Variants in SETD2 observed in about 807,000 individuals in gnomAD.
The protein encoded by SETD2 is histone-lysine N-methyltransferase SETD2.
SETD2 carries 31 observed loss-of-function variants against 242.1 expected under a neutral mutation model. That is an observed-to-expected ratio of 0.13 (90% CI 0.10 to 0.17). SETD2 has a LOEUF of 0.17. SETD2 is among the 10% of genes least tolerant of loss of function. The pLI is 1.00. For synonymous variants in SETD2, 1,006 were observed against 1,066.5 expected (o/e 0.94, Z 1.11); for missense variants, 2,481 against 3,046.3 (o/e 0.81, Z 4.37).
chr3:47,161,025 A>C (rs1037816465), intron 1 of SETD2, among the ~76,000 whole-genome samples: 5 of 152,230 alleles, frequency 3.3e-5, no homozygotes, highest in South Asian at 2.1e-4. Context: ...CTTCAGTCAA[A>C]CTGAATTTAC....
chr3:47,044,278 G>A (rs2039417511), intron 16 of SETD2, among the ~76,000 whole-genome samples: 1 of 140,610 alleles, frequency 7.1e-6, no homozygotes, highest in Non-Finnish European at 1.5e-5. Context: ...GGGAGGCGGA[G>A]GTTGCAGTGA....
At chr3:47,091,846 G>A (rs1466307811) in intron 9 of SETD2, among the ~76,000 whole-genome samples, 1 of 152,130 alleles carries the variant, frequency 6.6e-6, no homozygotes, top group African/African-American at 2.4e-5. Context: ...TCTGATGGCT[G>A]AGGCAGGAGA....
At chr3:47,042,808 TAAAA>T in intron 16 of SETD2, 108 bp from the exon 17 acceptor site, 1 of 984,028 alleles carries the variant, frequency 1.0e-6, no homozygotes, top group East Asian at 2.5e-5. Context: ...TACCTCCTCT[TAAAA>T]AAAGGATAAA....
At chr3:47,078,755 A>G (rs2041206269) in intron 12 of SETD2, among the ~76,000 whole-genome samples, 1 of 151,628 alleles carries the variant, frequency 6.6e-6, no homozygotes, top group African/African-American at 2.4e-5. Flanking sequence ...TTTTTACACA[A>G]AGTCTCACTC....
At chr3:47,039,793 G>C (rs1437160783) in intron 17 of SETD2, among the ~76,000 whole-genome samples, 1 of 145,102 alleles carries the variant, frequency 6.9e-6, no homozygotes, top group Non-Finnish European at 1.5e-5. Context: ...AGAGGCAGGA[G>C]AATTACTTGA....
chr3:47,108,498 ATAAC>A (rs2042529804), intron 5 of SETD2, among the ~76,000 whole-genome samples: 1 of 152,204 alleles, frequency 6.6e-6, no homozygotes, highest in Admixed American at 6.5e-5. Flanking sequence ...CTCCACCTAA[ATAAC>A]TATTTACCTC....
intron 14 of SETD2, among the ~76,000 whole-genome samples, chr3:47,061,626 C>A: frequency 6.6e-6 from 1 of 152,004 alleles, no homozygotes; most frequent in East Asian, 1.9e-4. Flanking sequence ...CTGCCAAATG[C>A]AGTATATAAA....
intron 4 of SETD2, 141 bp downstream of exon 4, chr3:47,116,482 T>C: frequency 1.4e-6 from 1 of 702,642 alleles, no homozygotes; most frequent in Non-Finnish European, 2.4e-6. Context: ...CTACTATACA[T>C]CAAAGTGTCT....
At chr3:47,111,736 C>A (rs1164084632) in intron 5 of SETD2, among the ~76,000 whole-genome samples, 3 of 148,884 alleles carry the variant, frequency 2.0e-5, no homozygotes, top group Non-Finnish European at 1.5e-5. Flanking sequence ...AACATCATTT[C>A]TTATCTTCAA....
chr3:47,065,339 A>G (rs115951938), intron 13 of SETD2, among the ~76,000 whole-genome samples: 2,914 of 152,110 alleles, frequency 0.019, 43 homozygotes, highest in Middle Eastern at 0.037. Context: ...CTAAGATTAT[A>G]TAAAAAGTTA....
At chr3:47,147,563 C>T (rs1285704383) in intron 1 of SETD2, among the ~76,000 whole-genome samples, 9 of 151,806 alleles carry the variant, frequency 5.9e-5, no homozygotes, top group Admixed American at 5.9e-4. Context: ...ATCCACCTGC[C>T]TCAGCCTCCC....
chr3:47,116,188 T>C (rs774788278), intron 4 of SETD2, among the ~76,000 whole-genome samples: 1 of 152,152 alleles, frequency 6.6e-6, no homozygotes, highest in African/African-American at 2.4e-5. Flanking sequence ...TATGCTAGCA[T>C]AGGCATTAAA....
intron 18 of SETD2, among the ~76,000 whole-genome samples, chr3:47,033,097 A>G (rs1444973705): frequency 2.6e-5 from 4 of 152,212 alleles, no homozygotes; most frequent in African/African-American, 4.8e-5. Context: ...TACATTTTCA[A>G]ATCCCCAAGA....
chr3:47,082,920 T>A (rs1260674645), intron 12 of SETD2, among the ~76,000 whole-genome samples: 1 of 152,146 alleles, frequency 6.6e-6, no homozygotes, highest in Non-Finnish European at 1.5e-5. Flanking sequence ...GGTTGCTTCA[T>A]CTCCGGCAGA....
intron 1 of SETD2, among the ~76,000 whole-genome samples, chr3:47,162,431 T>G (rs1326436721): frequency 6.6e-6 from 1 of 152,160 alleles, no homozygotes; most frequent in Non-Finnish European, 1.5e-5. Flanking sequence ...TGTTAACCAA[T>G]GGCCAAGAAC....
chr3:47,134,708 C>T (rs2043554796), intron 1 of SETD2, among the ~76,000 whole-genome samples: 1 of 151,988 alleles, frequency 6.6e-6, no homozygotes. Context: ...TGGCTCACTG[C>T]AATCTCCGCC....
chr3:47,156,295 T>C (rs1189780133), intron 1 of SETD2, among the ~76,000 whole-genome samples: 1 of 152,120 alleles, frequency 6.6e-6, no homozygotes, highest in Non-Finnish European at 1.5e-5. Flanking sequence ...ATAAATTAAA[T>C]CAACGAGTCA....
chr3:47,139,245 T>A (rs2043667598), intron 1 of SETD2, among the ~76,000 whole-genome samples: 1 of 152,156 alleles, frequency 6.6e-6, no homozygotes, highest in Non-Finnish European at 1.5e-5. Flanking sequence ...TCTACCTTAA[T>A]CCACTCAGGG....
At position 47,062,283 on chromosome 3, in the gene SETD2, T is replaced by C. The variant is rs116277395; in HGVS notation, c.6173A>G (p.Asn2058Ser). 2.7e-4 allele frequency: 431 copies of C among 1,614,030 alleles called. No individual in the cohort carries two copies. In the African/African-American group the frequency reaches 4.8e-3, roughly 18 times the overall value. Reference protein sequence around the residue: ...RDQTPAPKTPNRSRERDPDKQ... With the variant: ...RDQTPAPKTPSRSRERDPDKQ... ...GTCTGGGTCTCTCTCTCTTGACCTA[T>C]TAGGAGTCTTCGGGGCAGGTGTTTG... Residue 2058 changes from asparagine to serine, a missense_variant, in exon 14 of 21, where the codon AAT becomes AGT. This residue lies in a region of SETD2 where 80 missense variants were observed against 102.6 expected (regional missense o/e 0.78). Transcript: ENST00000409792.
Sources: allele counts gnomAD v4.1 joint callset (sites outside exome capture counted in the v4.1 genomes callset), GRCh38; gene constraint gnomAD v4.1.1; regional missense constraint gnomAD v4.1.1; transcripts MANE v1.5; gene names NCBI Gene and HGNC (gene_info 2026-07-23, HGNC 2026-07-21).